The following REEP1 variants were observed in gnomAD, a reference collection of about 807,000 sequenced individuals.
REEP1 encodes the protein receptor accessory protein 1.
REEP1 carries 22 observed loss-of-function variants against 40.3 expected under a neutral mutation model. The ratio of observed to expected loss-of-function variants is 0.55; its 90% CI spans 0.39 to 0.78. The LOEUF (loss-of-function observed/expected upper bound fraction) is 0.78. Ranked by LOEUF, REEP1 falls within the 30% of genes least tolerant of loss-of-function variation. The pLI, the probability that REEP1 is intolerant of heterozygous loss-of-function variation, is 0.00. For missense variants in REEP1, 280 were observed against 361.1 expected (o/e 0.78, Z 1.82); for synonymous variants, 116 against 139.2 (o/e 0.83, Z 1.17).
intron 5 of REEP1, among the ~76,000 whole-genome samples, chr2:86,241,373 T>C (rs1675658472): frequency 6.6e-6 from 1 of 152,210 alleles, no homozygotes; most frequent in Non-Finnish European, 1.5e-5. Context: ...TTACAGAAAC[T>C]GTGACTTACG....
chr2:86,278,187 A>C (rs1186149279), intron 2 of REEP1, among the ~76,000 whole-genome samples: 1 of 152,220 alleles, frequency 6.6e-6, no homozygotes, highest in Non-Finnish European at 1.5e-5. Context: ...ACAGCTATGA[A>C]CTCATGACCA....
chr2:86,226,371 C>T (rs527512751), intron 7 of REEP1, among the ~76,000 whole-genome samples: 5 of 151,512 alleles, frequency 3.3e-5, no homozygotes, highest in South Asian at 2.1e-4. Flanking sequence ...CCTGGAACTT[C>T]AGGACTTCAT....
chr2:86,317,745 T>C (rs79809119), intron 1 of REEP1, among the ~76,000 whole-genome samples: 4,589 of 152,354 alleles, frequency 0.03, 119 homozygotes, highest in East Asian at 0.069. Flanking sequence ...CCCTTGAGTA[T>C]GGATGTTCTT....
At chr2:86,315,392 C>T (rs1573037664) in intron 1 of REEP1, among the ~76,000 whole-genome samples, 2 of 152,210 alleles carry the variant, frequency 1.3e-5, no homozygotes, top group Non-Finnish European at 2.9e-5. Context: ...TGCCTAGCTC[C>T]AGCTTACAAT....
At chr2:86,219,022 C>T (rs1272327998) in intron 8 of REEP1, among the ~76,000 whole-genome samples, 2 of 152,168 alleles carry the variant, frequency 1.3e-5, no homozygotes, top group South Asian at 4.1e-4. Flanking sequence ...GACTGGGGTC[C>T]CTGCACCTGT....
intron 1 of REEP1, among the ~76,000 whole-genome samples, chr2:86,308,169 C>T (rs1447041262): frequency 6.6e-6 from 1 of 152,212 alleles, no homozygotes; most frequent in Non-Finnish European, 1.5e-5. Context: ...GGCCATCAGC[C>T]AGTGCACACT....
chr2:86,238,053 T>TTATAGCCA (rs1675456354), intron 5 of REEP1, among the ~76,000 whole-genome samples: 1 of 152,096 alleles, frequency 6.6e-6, no homozygotes, highest in Non-Finnish European at 1.5e-5. Flanking sequence ...TGGTGGTGCA[T>TTATAGCCA]GCCTATAATC....
Position 86,263,969 on chromosome 2 carries a change from A to G in REEP1, c.178T>C (p.Cys60Arg). The G allele has an allele frequency of 6.2e-7, 1 of 1,611,506 alleles. No homozygotes were observed. Among genetic ancestry groups the G allele is most frequent in the Non-Finnish European group, 8.5e-7 (1 of 1,177,588 alleles). ...CCCAACTCCTGGAGTACTTACCAACAAAGGAAGATGTCTGTGAATGTCTCT... is the reference window on the plus strand; with the variant it reads ...CCCAACTCCTGGAGTACTTACCAACGAAGGAAGATGTCTGTGAATGTCTCT... ...TAETFTDIFL[C>R]WFPFYYELKI... is the part of the protein sequence containing the mutation. The change falls in exon 3 of 9, where the codon TGT (cysteine) becomes CGT (arginine). Residue 60 changes from cysteine to arginine, a missense_variant. Around this residue, in one of 3 missense-constraint regions of REEP1, gnomAD observed 68 missense variants for 83.7 expected, o/e 0.81. Transcript: ENST00000538924.
At chr2:86,266,826 T>C (rs1313132617) in intron 2 of REEP1, among the ~76,000 whole-genome samples, 1 of 150,670 alleles carries the variant, frequency 6.6e-6, no homozygotes, top group South Asian at 2.1e-4. Context: ...GCTAACACGA[T>C]GAAACCCCGT....
At chr2:86,268,065 T>C (rs948802899) in intron 2 of REEP1, among the ~76,000 whole-genome samples, 29 of 151,820 alleles carry the variant, frequency 1.9e-4, no homozygotes, top group African/African-American at 6.3e-4. Context: ...GGTGAGAAAA[T>C]AGATGATTTC....
intron 3 of REEP1, among the ~76,000 whole-genome samples, chr2:86,256,117 G>T (rs944215764): frequency 6.6e-6 from 1 of 152,040 alleles, no homozygotes; most frequent in Non-Finnish European, 1.5e-5. Context: ...GGGAGGAAGA[G>T]GTGGGTGGAT....
At chr2:86,245,966 A>ATT (rs1675927056) in intron 5 of REEP1, among the ~76,000 whole-genome samples, 1 of 151,898 alleles carries the variant, frequency 6.6e-6, no homozygotes, top group South Asian at 2.1e-4. Flanking sequence ...GGGTTTCACC[A>ATT]TGTTAGCCAG....
intron 1 of REEP1, among the ~76,000 whole-genome samples, chr2:86,308,762 G>A (rs1438751217): frequency 1.3e-5 from 2 of 152,232 alleles, no homozygotes; most frequent in African/African-American, 4.8e-5. Context: ...AGTGGGAAGT[G>A]TCTTGGTAGA....
intron 4 of REEP1, among the ~76,000 whole-genome samples, chr2:86,252,716 C>A (rs374906114): frequency 1.8e-4 from 28 of 152,142 alleles, no homozygotes; most frequent in African/African-American, 6.8e-4. Context: ...AATATCACCC[C>A]ATTTGTATAT....
chr2:86,305,745 G>C (rs929323872), intron 1 of REEP1, among the ~76,000 whole-genome samples: 3 of 152,100 alleles, frequency 2.0e-5, no homozygotes, highest in Non-Finnish European at 2.9e-5. Context: ...CAGGCTCCAG[G>C]CTTTGGACTT....
At position 86,215,956 on chromosome 2, in the gene REEP1, C is replaced by A. The variant is rs1674089017; in HGVS notation, c.*1083G>T. 6.6e-6 allele frequency: 1 copy of A among 152,186 alleles called. No homozygotes were observed. Among genetic ancestry groups the A allele is most frequent in the Admixed American group, 6.5e-5 (1 of 15,280 alleles). The allele number at this position is 152,186 out of a possible 1,614,324, so 9.4% of individuals were successfully genotyped here. ...CTAGAGCCCACCATTTTGATTGTTA[C>A]ACATGTGTTTCAGATGTATGTTATG... On this transcript the variant is annotated 3_prime_UTR_variant, in exon 9 of 9. Coordinates refer to ENST00000538924, the MANE Select transcript of REEP1 (RefSeq NM_001371279.1).
chr2:86,263,907 C>G (rs946500069), intron 3 of REEP1, 58 bp downstream of exon 3: 24 of 1,336,952 alleles, frequency 1.8e-5, no homozygotes, highest in African/African-American at 5.8e-5. Context: ...CCCACCTCCC[C>G]CTGAGTGACA....
At chr2:86,338,075 A>C, upstream of REEP1, 2 of 1,537,238 alleles carry the variant, frequency 1.3e-6, no homozygotes, top group Non-Finnish European at 8.7e-7. Context: ...CACTTTCTGC[A>C]TAAGAAACAA....
intron 5 of REEP1, among the ~76,000 whole-genome samples, chr2:86,236,712 A>T (rs1320993453): frequency 6.6e-6 from 1 of 151,368 alleles, no homozygotes; most frequent in South Asian, 2.1e-4. Context: ...ACCTACTCCT[A>T]GACTTCTTGA....
Sources: allele counts gnomAD v4.1 joint callset (sites outside exome capture counted in the v4.1 genomes callset), GRCh38; gene constraint gnomAD v4.1.1; regional missense constraint gnomAD v4.1.1; transcripts MANE v1.5; gene names NCBI Gene and HGNC (gene_info 2026-07-23, HGNC 2026-07-21).